XPO7: variants seen among roughly 807,000 people sequenced by gnomAD.
The protein encoded by XPO7 is exportin 7.
Under a neutral mutation model 144.3 loss-of-function variants are expected in XPO7, and 21 were observed. The observed-to-expected ratio is 0.15, with a 90% CI of 0.10 to 0.21. The LOEUF (loss-of-function observed/expected upper bound fraction) is 0.21, where lower values mean the gene tolerates loss of function less well. XPO7 is among the 10% of genes least tolerant of loss of function. The pLI is 1.00. For synonymous variants in XPO7, 580 were observed against 499.6 expected, an observed-to-expected ratio of 1.16 and a Z score of -2.15; for missense variants, 808 against 1,325.8, an observed-to-expected ratio of 0.61 and a Z score of 6.06.
At chr8:21,928,093 C>G (rs897785888) in intron 1 of XPO7, among the ~76,000 whole-genome samples, 3 of 152,174 alleles carry the variant, frequency 2.0e-5, no homozygotes, top group Non-Finnish European at 4.4e-5. Context: ...GCAGTCTGTT[C>G]CTCCCTCAGC....
intron 1 of XPO7, among the ~76,000 whole-genome samples, chr8:21,945,410 G>T (rs541526126): frequency 1.4e-4 from 21 of 152,326 alleles, no homozygotes; most frequent in African/African-American, 4.1e-4. Context: ...TACTGGAACA[G>T]TTCTCCAAAT....
rs760822459 is a variant in XPO7 at position 21,982,867 on chromosome 8, C to G, written c.1277+55C>G. 15 of 1,530,622 alleles carry G rather than the reference C, an allele frequency of 9.8e-6. No homozygotes were observed. In the Admixed American group the frequency reaches 1.5e-4, roughly 15 times the overall value. The allele number at this position is 1,530,622 out of a possible 1,614,324, so 94.8% of individuals were successfully genotyped here. A position where few individuals can be genotyped will look rare whatever the true frequency, so the allele number is the denominator to read the frequency against. ...CACCAGTGGCCTGTTGTCACACTTC[C>G]TAGAGATCAGACACCCCATTGGCAA... On this transcript the variant is annotated intron_variant, in intron 11 of 27. Transcript: ENST00000252512.
chr8:21,991,739 C>T (rs1812779918), intron 18 of XPO7, 129 bp from the exon 19 acceptor site: 2 of 582,670 alleles, frequency 3.4e-6, no homozygotes, highest in Admixed American at 7.2e-5. Context: ...GCTACTAATA[C>T]CTGTTGGGAT....
intron 1 of XPO7, among the ~76,000 whole-genome samples, chr8:21,949,376 C>T (rs1811297430): frequency 1.3e-5 from 2 of 152,146 alleles, no homozygotes; most frequent in South Asian, 4.1e-4. Flanking sequence ...ATATAGCTGC[C>T]CTTGTCTGAA....
At chr8:21,926,981 G>A (rs759154755) in intron 1 of XPO7, among the ~76,000 whole-genome samples, 18 of 152,166 alleles carry the variant, frequency 1.2e-4, no homozygotes, top group Non-Finnish European at 1.9e-4. Flanking sequence ...GTTTTCCTTA[G>A]TCTTAATATT....
intron 1 of XPO7, among the ~76,000 whole-genome samples, chr8:21,926,473 A>G (rs1454835844): frequency 6.6e-5 from 10 of 152,036 alleles, no homozygotes; most frequent in Non-Finnish European, 1.5e-4. Context: ...TTTTCTTAGG[A>G]TTTTTTCCAA....
intron 1 of XPO7, among the ~76,000 whole-genome samples, chr8:21,956,386 G>A (rs144726801): frequency 1.6e-4 from 25 of 152,348 alleles, no homozygotes; most frequent in African/African-American, 6.0e-4. Flanking sequence ...TCCCAGTGGT[G>A]TGCCTCGGGT....
At chr8:21,952,851 T>G (rs1005565867) in intron 1 of XPO7, among the ~76,000 whole-genome samples, 2 of 152,204 alleles carry the variant, frequency 1.3e-5, no homozygotes, top group Non-Finnish European at 2.9e-5. Context: ...AAATATTGGT[T>G]AGTAAACTAG....
Position 21,994,426 on chromosome 8 carries a change from A to C in XPO7, c.2212A>C (p.Ser738Arg), listed in dbSNP as rs761119609. The change falls in exon 20 of 28, where the codon AGC becomes CGC. Residue 738 changes from serine to arginine, a missense_variant. By Grantham distance (110) the Ser-to-Arg change is moderately radical. Transcript: ENST00000252512. ...GIAFAFNAKTSFMMLFEWIYP... is the reference protein window; with the variant it reads ...GIAFAFNAKTRFMMLFEWIYP... ...CGCTTTCGCTTTCAATGCCAAGACC[A>C]GCTTCATGATGCTCTTTGAATGGAT... 3.7e-6 allele frequency: 6 copies of C among 1,612,208 alleles called. No homozygotes were observed. Among genetic ancestry groups the C allele is most frequent in the Non-Finnish European group, 5.1e-6 (6 of 1,178,638 alleles).
At chr8:21,953,102 A>C (rs1042433154) in intron 1 of XPO7, among the ~76,000 whole-genome samples, 5 of 150,082 alleles carry the variant, frequency 3.3e-5, no homozygotes, top group African/African-American at 4.9e-5. Context: ...GTATTGATAC[A>C]TTATTAACAA....
chr8:21,987,022 G>A (rs531047521), intron 13 of XPO7, 119 bp from the exon 14 acceptor site: 1 of 1,413,392 alleles, frequency 7.1e-7, no homozygotes, highest in East Asian at 2.3e-5. Flanking sequence ...GATGAATTTG[G>A]TTGCAGGAGG....
chr8:21,991,237 C>A lies in XPO7; in HGVS notation c.2041+318C>A, dbSNP rs142442136. On this transcript the variant is annotated intron_variant, in intron 18 of 27. Transcript: ENST00000252512. ...TTTTGGCCAGATAACTTCTCCACCC[C>A]ACAATGAGGTGTAAACCCACTTGAA... Among the ~76,000 whole-genome samples, 568 of 152,256 alleles carry A rather than the reference C, an allele frequency of 3.7e-3. 1 individual carries two copies. Among genetic ancestry groups the A allele is most frequent in the Non-Finnish European group, 6.7e-3 (453 of 68,004 alleles).
At chr8:21,980,999 C>CA (rs34761247) in intron 9 of XPO7, among the ~76,000 whole-genome samples, 55,381 of 151,870 alleles carry the variant, frequency 0.36, 10,587 homozygotes, top group East Asian at 0.44. Flanking sequence ...AATTAAAAAG[C>CA]AGTTTATTTC....
intron 5 of XPO7, 82 bp downstream of exon 5, chr8:21,972,023 C>CT: frequency 7.3e-7 from 1 of 1,369,954 alleles, no homozygotes. Context: ...GTGGGATGAT[C>CT]TTTTTTGGCA....
chr8:22,002,280 A>C lies in XPO7; in HGVS notation c.2943+8A>C, dbSNP rs1047219341. 4 of 1,611,402 alleles carry C rather than the reference A, an allele frequency of 2.5e-6. No homozygotes were observed. The East Asian group carries it at 8.9e-5, about 36-fold the overall frequency. On this transcript the variant is annotated splice_region_variant and intron_variant, in intron 25 of 27. Transcript: ENST00000252512. ...CCAGAGATGATCCAGCAGGTAAGAA[A>C]GTGGAGGCTTAGGAGGCAGTGATGG...
chr8:21,972,435 C>A (rs930922069), intron 5 of XPO7, among the ~76,000 whole-genome samples: 1 of 152,152 alleles, frequency 6.6e-6, no homozygotes, highest in Non-Finnish European at 1.5e-5. Context: ...CAAGATCGCG[C>A]TGTTGCACTC....
chr8:21,961,637 T>C (rs1227353252), intron 1 of XPO7, among the ~76,000 whole-genome samples: 2 of 152,038 alleles, frequency 1.3e-5, no homozygotes, highest in Non-Finnish European at 2.9e-5. Flanking sequence ...TTTTTCATTT[T>C]AGTCATTTTT....
chr8:21,999,684 T>G lies in XPO7; in HGVS notation c.2782+10T>G, dbSNP rs773882311. The G allele has an allele frequency of 6.2e-7, 1 of 1,613,884 alleles. No individual in the cohort carries two copies. Among genetic ancestry groups the G allele is most frequent in the Admixed American group, 1.7e-5 (1 of 60,022 alleles). The stretch of plus-strand genomic sequence containing the variant: ...GGACTTACTGCACTTGGTAAGCACC[T>G]GAGGTGGGTGGGTGAGTTGGTGGGT... On this transcript the variant is annotated intron_variant, in intron 24 of 27. Coordinates refer to ENST00000252512, the MANE Select transcript of XPO7 (RefSeq NM_015024.5).
chr8:21,993,095 G>A (rs1170660640), intron 19 of XPO7, among the ~76,000 whole-genome samples: 1 of 152,166 alleles, frequency 6.6e-6, no homozygotes, highest in Non-Finnish European at 1.5e-5. Context: ...GTATTTTAGA[G>A]TCTGAGATAG....
Sources: allele counts gnomAD v4.1 joint callset (sites outside exome capture counted in the v4.1 genomes callset), GRCh38; gene constraint gnomAD v4.1.1; transcripts MANE v1.5; gene names NCBI Gene and HGNC (gene_info 2026-07-23, HGNC 2026-07-21).